The following C2CD2 variants were observed in gnomAD, a reference collection of about 807,000 sequenced individuals.
The protein encoded by C2CD2 is C2 domain-containing protein 2.
C2CD2 carries 43 observed loss-of-function variants against 74.3 expected under a neutral mutation model. The ratio of observed to expected loss-of-function variants is 0.58; its 90% confidence interval spans 0.45 to 0.75. The LOEUF is 0.75. Among genes scored for constraint, C2CD2 ranks in the 30% least tolerant of loss-of-function variants. The pLI is 0.00. For missense variants in C2CD2, 801 were observed against 916.3 expected, an observed-to-expected ratio of 0.87 and a Z score of 1.63; for synonymous variants, 422 against 390.7, an observed-to-expected ratio of 1.08 and a Z score of -0.94.
chr21:41,951,763 G>C (rs985082973), intron 1 of C2CD2, among the ~76,000 whole-genome samples: 1 of 152,230 alleles, frequency 6.6e-6, no homozygotes, highest in Admixed American at 6.5e-5. Flanking sequence ...TGGGAATATG[G>C]AAGGATCATA....
chr21:41,953,541 C>A lies in C2CD2; in HGVS notation c.108G>T (p.Trp36Cys). ...LATVGLYLAQ[W>C]ALARARPQPQ... ...GCTGGGGTCGCGCCCTGGCCAGCGCCCACTGCGCCAGGTACAGGCCTACCG... is the reference window on the plus strand; with the variant it reads ...GCTGGGGTCGCGCCCTGGCCAGCGCACACTGCGCCAGGTACAGGCCTACCG... Residue 36 changes from tryptophan to cysteine, a missense_variant, in exon 1 of 14, where the codon TGG (tryptophan) becomes TGT (cysteine). Trp to Cys is a radical substitution (Grantham distance 215). Coordinates refer to ENST00000380486, the MANE Select transcript of C2CD2 (RefSeq NM_015500.2). 1.4e-6 allele frequency: 2 copies of A among 1,479,960 alleles called. No homozygotes were observed. Among genetic ancestry groups the A allele is most frequent in the Non-Finnish European group, 8.9e-7 (1 of 1,121,300 alleles). 91.7% of individuals were successfully genotyped at this position (1,479,960 alleles called of 1,614,324 possible).
rs151162018 is a variant in C2CD2, at chr21:41,939,168, T to C, written c.378+2979A>G. 1.3e-5 allele frequency among the ~76,000 whole-genome samples: 2 copies of C among 152,346 alleles called. No homozygotes were observed. Among genetic ancestry groups the C allele is most frequent in the East Asian group, 3.9e-4 (2 of 5,186 alleles). On this transcript the variant is annotated intron_variant, in intron 2 of 13. Coordinates refer to ENST00000380486, the MANE Select transcript of C2CD2 (RefSeq NM_015500.2). The surrounding 1 kb of genome is among the most constrained non-coding windows in gnomAD (Gnocchi z 5.5). ...ACATTTCAGCAGTTATGAAAAATGT[T>C]GCTATGGTCATGGCCATACAAATAC...
intron 1 of C2CD2, among the ~76,000 whole-genome samples, chr21:41,949,527 T>C (rs2065432705): frequency 6.6e-6 from 1 of 152,180 alleles, no homozygotes. Flanking sequence ...AGGAACTCTA[T>C]TTACACTGTT....
chr21:41,933,782 G>A (rs2065283358), intron 2 of C2CD2, among the ~76,000 whole-genome samples: 1 of 152,214 alleles, frequency 6.6e-6, no homozygotes, highest in Non-Finnish European at 1.5e-5. Context: ...AAAGGGGAGG[G>A]GAGGGGAGGG....
At chr21:41,917,589 G>A (rs917715286) in intron 5 of C2CD2, among the ~76,000 whole-genome samples, 1 of 152,168 alleles carries the variant, frequency 6.6e-6, no homozygotes, top group Non-Finnish European at 1.5e-5. Flanking sequence ...TAATCAGATG[G>A]AATAGGGGGG....
At chr21:41,921,459 T>C (rs2146198595) in intron 3 of C2CD2, among the ~76,000 whole-genome samples, 1 of 152,354 alleles carries the variant, frequency 6.6e-6, no homozygotes, top group South Asian at 2.1e-4. Flanking sequence ...TGTAAAATTA[T>C]ATATATGTCT....
intron 6 of C2CD2, 52 bp from the exon 7 acceptor site, chr21:41,912,492 T>G: frequency 1.2e-6 from 1 of 831,470 alleles, no homozygotes; most frequent in Non-Finnish European, 1.7e-6. Context: ...ATTATTTATT[T>G]ATTTTTTTTT....
At chr21:41,925,127 A>T (rs2065195986) in intron 2 of C2CD2, among the ~76,000 whole-genome samples, 1 of 152,064 alleles carries the variant, frequency 6.6e-6, no homozygotes, top group Admixed American at 6.5e-5. Context: ...CTCTAAATAA[A>T]ACCTACAGTG....
chr21:41,893,858 T>C (rs1446286955), intron 13 of C2CD2, among the ~76,000 whole-genome samples: 2 of 152,084 alleles, frequency 1.3e-5, no homozygotes, highest in Non-Finnish European at 2.9e-5. Context: ...CACATCACCA[T>C]GCCTCGATAA....
chr21:41,940,558 A>C (rs1430634366), intron 2 of C2CD2, among the ~76,000 whole-genome samples: 1 of 152,202 alleles, frequency 6.6e-6, no homozygotes, highest in Non-Finnish European at 1.5e-5. Flanking sequence ...GGAGCCATAA[A>C]GATCATACAG....
chr21:41,929,784 A>C lies in C2CD2; in HGVS notation c.379-7699T>G, dbSNP rs1302318734. 6.6e-6 allele frequency among the ~76,000 whole-genome samples: 1 copy of C among 152,206 alleles called. No homozygotes were observed. Among genetic ancestry groups the C allele is most frequent in the Non-Finnish European group, 1.5e-5 (1 of 68,034 alleles). ...CCTCATCAGCAAGTTTTCCAAATGAAAGTTACGTTGAAAGCCACAGTTACC... is the reference window on the plus strand; with the variant it reads ...CCTCATCAGCAAGTTTTCCAAATGACAGTTACGTTGAAAGCCACAGTTACC... On this transcript the variant is annotated intron_variant, in intron 2 of 13. Coordinates refer to ENST00000380486, the MANE Select transcript of C2CD2 (RefSeq NM_015500.2). The surrounding 1 kb of genome is among the most constrained non-coding windows in gnomAD (Gnocchi z 4.6).
rs973753629 is a variant in C2CD2 at position 41,899,321 on chromosome 21, G to A, written c.1602C>T (p.Gly534=). The A allele has an allele frequency of 2.5e-6, 4 of 1,609,660 alleles. No individual in the cohort carries two copies. The highest frequency in any genetic ancestry group is 1.3e-5 in the African/African-American group (1 of 74,926). Residue 534 remains glycine (G), a synonymous_variant, in exon 13 of 14, where the codon GGC becomes GGT. Transcript: ENST00000380486. The surrounding 1 kb of genome is among the most constrained non-coding windows in gnomAD (Gnocchi z 4.4). ...GGGTGCTGTCCACAGAGGCCGTGTA[G>A]CCCTGCATCAGGGCAGCGTCGTGGT... is the stretch of plus-strand genomic sequence containing the variant. ...SQDHDAALMQ[G]YTASVDSTHQ...
intron 9 of C2CD2, 131 bp from the exon 10 acceptor site, chr21:41,907,297 A>C: frequency 2.7e-6 from 2 of 749,652 alleles, no homozygotes; most frequent in South Asian, 3.5e-5. Context: ...TAGCATCTCC[A>C]ATTAACCTGG....
rs541171953 is a variant in C2CD2 at position 41,939,037 on chromosome 21, C to T, written c.378+3110G>A. On this transcript the variant is annotated intron_variant, in intron 2 of 13. Coordinates refer to ENST00000380486, the MANE Select transcript of C2CD2 (RefSeq NM_015500.2). This position sits in a 1 kb window ranked among gnomAD's most constrained non-coding sequence, Gnocchi z 5.5. ...GATTATAAGCGCGAGCCACGGCACCCGGCCTAGAATGTCCTCACTTTCTAT... is the reference window on the plus strand; with the variant it reads ...GATTATAAGCGCGAGCCACGGCACCTGGCCTAGAATGTCCTCACTTTCTAT... 1.3e-5 allele frequency among the ~76,000 whole-genome samples: 2 copies of T among 152,234 alleles called. No individual in the cohort carries two copies. Among genetic ancestry groups the T allele is most frequent in the Admixed American group, 6.5e-5 (1 of 15,296 alleles).
At chr21:41,952,114 C>G (rs893783859) in intron 1 of C2CD2, among the ~76,000 whole-genome samples, 1 of 152,224 alleles carries the variant, frequency 6.6e-6, no homozygotes, top group African/African-American at 2.4e-5. Context: ...GCTGGTTTCC[C>G]TGAGACACTC....
Position 41,913,998 on chromosome 21 carries a change from C to T in C2CD2, c.844+600G>A, listed in dbSNP as rs181752030. On this transcript the variant is annotated intron_variant, in intron 6 of 13. Transcript: ENST00000380486. The stretch of plus-strand genomic sequence containing the variant: ...TCTCCAGCACTTTGGGAGGCTGAGG[C>T]GGGCGGATCACCTGAGGTAGGGAGT... Among the ~76,000 whole-genome samples, 473 of 152,238 alleles carry T rather than the reference C, an allele frequency of 3.1e-3. 17 individuals are homozygous for T. The South Asian group carries it at 0.059, about 19-fold the overall frequency.
At chr21:41,928,720 C>T (rs975886534) in intron 2 of C2CD2, among the ~76,000 whole-genome samples, 9 of 151,920 alleles carry the variant, frequency 5.9e-5, no homozygotes, top group Admixed American at 2.6e-4. Flanking sequence ...GCTCTCAGGG[C>T]GTATTTCAGC....
chr21:41,905,888 C>T (rs532361761), intron 10 of C2CD2, 51 bp from the exon 11 acceptor site: 7 of 978,190 alleles, frequency 7.2e-6, no homozygotes, highest in South Asian at 6.4e-5. Flanking sequence ...CTGACTGGAT[C>T]AACAGTTACC....
chr21:41,920,749 A>G (rs115118602), intron 3 of C2CD2, among the ~76,000 whole-genome samples: 15 of 152,380 alleles, frequency 9.8e-5, no homozygotes, highest in African/African-American at 3.6e-4. Flanking sequence ...GATCAAAGAT[A>G]CAATTGTGTT....
Sources: gnomAD v4.1 joint callset for allele counts (sites outside exome capture counted in the v4.1 genomes callset) on GRCh38, gnomAD v4.1.1 for gene constraint, Gnocchi (gnomAD v3.1) non-coding constraint, MANE v1.5 for transcripts, NCBI Gene and HGNC (gene_info 2026-07-23, HGNC 2026-07-21) for gene names.